GLIS1: variants seen among roughly 807,000 people sequenced by gnomAD.
GLIS1 encodes the protein zinc finger protein GLIS1.
A neutral mutation model predicts 63.8 loss-of-function variants in GLIS1; 24 were observed. That is an observed-to-expected ratio of 0.38 (90% CI 0.27 to 0.53). The LOEUF (loss-of-function observed/expected upper bound fraction) is 0.53. Among genes scored for constraint, GLIS1 ranks in the 20% least tolerant of loss-of-function variants. The pLI is 0.85. For synonymous variants in GLIS1, 450 were observed against 482.5 expected (o/e 0.93, Z 0.88); for missense variants, 1,036 against 1,074.1 (o/e 0.96, Z 0.50).
chr1:53,529,933 G>T lies in GLIS1; in HGVS notation c.1340C>A (p.Ala447Asp). 1 of 1,613,662 alleles carries T rather than the reference G, an allele frequency of 6.2e-7. No homozygotes were observed. ...NKCMFEGCSKAFSRLENLKIH... is the reference protein window; with the variant it reads ...NKCMFEGCSKDFSRLENLKIH... Reference sequence around the variant, plus strand: ...CTTGAGGTTCTCCAGCCGTGAGAAGGCCTTGCTGCAGCCTTCAAACTGCAG... The same window carrying T: ...CTTGAGGTTCTCCAGCCGTGAGAAGTCCTTGCTGCAGCCTTCAAACTGCAG... The change falls in exon 5 of 11, where the codon GCC becomes GAC. Residue 447 changes from alanine (A) to aspartate (D), a missense_variant. Physicochemically the swap from Ala to Asp is moderately radical, Grantham distance 126. This residue lies in a region of GLIS1 where 44 missense variants were observed against 79.3 expected (regional missense o/e 0.55). Transcript: ENST00000628545.
intron 2 of GLIS1, among the ~76,000 whole-genome samples, chr1:53,679,431 T>C (rs1206848965): frequency 3.3e-5 from 5 of 152,198 alleles, no homozygotes; most frequent in Non-Finnish European, 5.9e-5. Context: ...GCTGAACGTC[T>C]GACCTGAAGC....
intron 4 of GLIS1, among the ~76,000 whole-genome samples, chr1:53,561,107 CAG>C (rs753649377): frequency 2.6e-5 from 4 of 152,156 alleles, no homozygotes; most frequent in Admixed American, 6.5e-5. Context: ...TTCCCACAGG[CAG>C]AGTGTCCACT....
chr1:53,558,243 G>A (rs1644852314), intron 4 of GLIS1, among the ~76,000 whole-genome samples: 1 of 152,254 alleles, frequency 6.6e-6, no homozygotes, highest in East Asian at 1.9e-4. Flanking sequence ...AGTAACTTAA[G>A]GACCTCTCCA....
Position 53,560,645 on chromosome 1 carries a change from C to T in GLIS1, c.1321-30693G>A, listed in dbSNP as rs1372216142. The stretch of plus-strand genomic sequence containing the variant: ...TGTTGGCATCACTGGCTTTGCACTG[C>T]CTTTGGCAAACACTTGTTGCGGGCC... On this transcript the variant is annotated intron_variant, in intron 4 of 10. Coordinates refer to ENST00000628545, the MANE Select transcript of GLIS1 (RefSeq NM_001367484.1). This position sits in a 1 kb window ranked among gnomAD's most constrained non-coding sequence, Gnocchi z 4.4. Among the ~76,000 whole-genome samples, 2 of 152,194 alleles carry T rather than the reference C, an allele frequency of 1.3e-5. No homozygotes were observed. The highest frequency in any genetic ancestry group is 2.4e-5 in the African/African-American group (1 of 41,442).
At chr1:53,509,631 C>G (rs1410789779) in intron 9 of GLIS1, among the ~76,000 whole-genome samples, 1 of 152,192 alleles carries the variant, frequency 6.6e-6, no homozygotes, top group Non-Finnish European at 1.5e-5. Flanking sequence ...TTGTCCAGAA[C>G]ACACTCTTCC....
chr1:53,619,375 C>T (rs4927019), intron 2 of GLIS1, among the ~76,000 whole-genome samples: 83,440 of 152,088 alleles, frequency 0.55, 24,336 homozygotes, highest in Middle Eastern at 0.65. Flanking sequence ...GGGGCCGCTG[C>T]TTCTAGGAAG....
chr1:53,618,530 T>G (rs1012934096), intron 2 of GLIS1, among the ~76,000 whole-genome samples: 22 of 152,180 alleles, frequency 1.4e-4, no homozygotes, highest in African/African-American at 5.3e-4. Context: ...TTTCATCCAA[T>G]TAGGAGCAGG....
intron 2 of GLIS1, among the ~76,000 whole-genome samples, chr1:53,669,526 G>A (rs530363390): frequency 6.6e-6 from 1 of 152,342 alleles, no homozygotes; most frequent in African/African-American, 2.4e-5. Context: ...TACCAAAGCT[G>A]GGTCAGACAC....
At chr1:53,651,828 C>A (rs530785812) in intron 2 of GLIS1, among the ~76,000 whole-genome samples, 1 of 149,546 alleles carries the variant, frequency 6.7e-6, no homozygotes, top group African/African-American at 2.5e-5. Flanking sequence ...GAGCCATGTT[C>A]GTGCCACTGC....
intron 6 of GLIS1, among the ~76,000 whole-genome samples, chr1:53,524,135 CT>C (rs1644439144): frequency 6.6e-6 from 1 of 152,264 alleles, no homozygotes; most frequent in Admixed American, 6.5e-5. Context: ...AAAGCAAGTC[CT>C]TTTTTGTCCC....
intron 4 of GLIS1, among the ~76,000 whole-genome samples, chr1:53,544,166 A>T (rs753681289): frequency 6.6e-6 from 1 of 152,252 alleles, no homozygotes; most frequent in Non-Finnish European, 1.5e-5. Flanking sequence ...AAGGAGGACA[A>T]AAAGAAAAGG....
chr1:53,691,282 A>G (rs889653746), intron 2 of GLIS1, among the ~76,000 whole-genome samples: 1 of 152,178 alleles, frequency 6.6e-6, no homozygotes, highest in African/African-American at 2.4e-5. Flanking sequence ...GCCCAGGCCC[A>G]GCCTCTCTCA....
chr1:53,604,103 T>C (rs1645345981), intron 2 of GLIS1, among the ~76,000 whole-genome samples: 1 of 152,354 alleles, frequency 6.6e-6, no homozygotes, highest in Non-Finnish European at 1.5e-5. Flanking sequence ...CACAATGCAT[T>C]TGGCATGAGG....
intron 2 of GLIS1, among the ~76,000 whole-genome samples, chr1:53,657,406 C>T (rs543486202): frequency 6.6e-6 from 1 of 152,196 alleles, no homozygotes; most frequent in Non-Finnish European, 1.5e-5. Flanking sequence ...TGACACTATT[C>T]CCATTAAGAG....
intron 2 of GLIS1, among the ~76,000 whole-genome samples, chr1:53,623,344 A>T (rs919035419): frequency 1.3e-5 from 2 of 152,196 alleles, no homozygotes; most frequent in African/African-American, 4.8e-5. Context: ...AGTAGTACCC[A>T]CTGATGATTA....
intron 7 of GLIS1, among the ~76,000 whole-genome samples, chr1:53,515,773 G>A (rs1459241698): frequency 5.2e-5 from 6 of 115,002 alleles, no homozygotes; most frequent in Middle Eastern, 5.6e-3. Flanking sequence ...GCCTAAGAAA[G>A]ACATGGCAAG....
At chr1:53,679,686 C>A (rs550155143) in intron 2 of GLIS1, among the ~76,000 whole-genome samples, 1 of 152,206 alleles carries the variant, frequency 6.6e-6, no homozygotes, top group Non-Finnish European at 1.5e-5. Flanking sequence ...GCCTCCTGGA[C>A]GGGCCCCTTG....
chr1:53,691,318 C>T (rs969590150), intron 2 of GLIS1, among the ~76,000 whole-genome samples: 4 of 152,200 alleles, frequency 2.6e-5, no homozygotes, highest in Non-Finnish European at 4.4e-5. Flanking sequence ...TGATCCCCAT[C>T]TGACCCAGCC....
At chr1:53,659,035 C>T (rs1379100119) in intron 2 of GLIS1, among the ~76,000 whole-genome samples, 1 of 152,118 alleles carries the variant, frequency 6.6e-6, no homozygotes, top group Non-Finnish European at 1.5e-5. Context: ...GTGGCAGGGG[C>T]GATGCCGTAA....
Sources: gnomAD v4.1 joint callset for allele counts (sites outside exome capture counted in the v4.1 genomes callset) on GRCh38, gnomAD v4.1.1 for gene constraint, gnomAD v4.1.1 regional missense constraint, Gnocchi (gnomAD v3.1) non-coding constraint, MANE v1.5 for transcripts, NCBI Gene and HGNC (gene_info 2026-07-23, HGNC 2026-07-21) for gene names.